The following WDFY2 variants were observed in gnomAD, a reference collection of about 807,000 sequenced individuals.
WDFY2 encodes WD repeat and FYVE domain-containing protein 2.
In WDFY2, 36 loss-of-function variants were observed where a neutral mutation model predicts 56.4. The observed-to-expected ratio is 0.64, with a 90% confidence interval of 0.49 to 0.84. The LOEUF is 0.84. WDFY2 is among the 40% of genes least tolerant of loss of function. WDFY2 has a pLI of 0.00. For missense variants in WDFY2, 444 were observed against 512.2 expected, an observed-to-expected ratio of 0.87 and a Z score of 1.29; for synonymous variants, 176 against 183.7, an observed-to-expected ratio of 0.96 and a Z score of 0.34.
intron 1 of WDFY2, among the ~76,000 whole-genome samples, chr13:51,585,373 T>C (rs1953917135): frequency 6.6e-6 from 1 of 152,374 alleles, no homozygotes; most frequent in African/African-American, 2.4e-5. Context: ...AGTTTAGGCT[T>C]CTGCGTGGTG....
chr13:51,655,760 T>C (rs1955497617), intron 1 of WDFY2, among the ~76,000 whole-genome samples: 1 of 152,150 alleles, frequency 6.6e-6, no homozygotes, highest in Admixed American at 6.5e-5. Flanking sequence ...AGTGTTTGAT[T>C]GACTTTGCCA....
intron 1 of WDFY2, among the ~76,000 whole-genome samples, chr13:51,631,220 G>A (rs531358923): frequency 2.7e-4 from 41 of 151,596 alleles, no homozygotes; most frequent in Admixed American, 6.6e-4. Flanking sequence ...GGAGAAATCC[G>A]TCTCTACAAA....
intron 1 of WDFY2, among the ~76,000 whole-genome samples, chr13:51,616,603 C>A (rs1041964348): frequency 6.6e-6 from 1 of 152,150 alleles, no homozygotes; most frequent in Non-Finnish European, 1.5e-5. Context: ...TTCCACTCAC[C>A]ATGATAGGGG....
At chr13:51,705,329 C>A (rs1952061077) in intron 4 of WDFY2, among the ~76,000 whole-genome samples, 1 of 152,170 alleles carries the variant, frequency 6.6e-6, no homozygotes, top group South Asian at 2.1e-4. Context: ...CTAAACTGCA[C>A]CAATACTTCA....
chr13:51,731,447 CAAG>C (rs1243647563), intron 6 of WDFY2, among the ~76,000 whole-genome samples: 2 of 152,084 alleles, frequency 1.3e-5, no homozygotes, highest in African/African-American at 4.8e-5. Flanking sequence ...TTATTTTTAT[CAAG>C]AAATATATTT....
intron 1 of WDFY2, among the ~76,000 whole-genome samples, chr13:51,624,462 T>C (rs1297510529): frequency 6.6e-6 from 1 of 152,198 alleles, no homozygotes; most frequent in Non-Finnish European, 1.5e-5. Context: ...TAATTCACCA[T>C]GTGTTCAACA....
At chr13:51,735,646 T>C (rs1427984959) in intron 6 of WDFY2, among the ~76,000 whole-genome samples, 1 of 152,220 alleles carries the variant, frequency 6.6e-6, no homozygotes. Context: ...CTTATTTCAT[T>C]GTATCTGCTG....
intron 1 of WDFY2, among the ~76,000 whole-genome samples, chr13:51,655,371 A>C (rs1203249173): frequency 1.3e-5 from 2 of 151,702 alleles, no homozygotes; most frequent in Non-Finnish European, 2.9e-5. Context: ...ATTTTCTTCT[A>C]TTCCTAGTAT....
intron 1 of WDFY2, among the ~76,000 whole-genome samples, chr13:51,657,334 A>G (rs1283764756): frequency 6.6e-6 from 1 of 152,022 alleles, no homozygotes; most frequent in African/African-American, 2.4e-5. Flanking sequence ...AGTGATACTT[A>G]CTTTTATATT....
chr13:51,758,407 C>T lies in WDFY2; in HGVS notation c.1173+107C>T, dbSNP rs563744889. The T allele has an allele frequency of 4.7e-4, 344 of 731,332 alleles. 2 individuals are homozygous for T. In the African/African-American group the frequency reaches 5.4e-3, roughly 12 times the overall value. The allele number at this position is 731,332 out of a possible 1,614,324, so 45.3% of individuals were successfully genotyped here. On this transcript the variant is annotated intron_variant, in intron 11 of 11. Transcript: ENST00000298125. ...GTTCTAAAGGTTATCCTTGGGTAGCCGGCCATGGTGGCATGTGTCTGTAGT... is the reference window on the plus strand; with the variant it reads ...GTTCTAAAGGTTATCCTTGGGTAGCTGGCCATGGTGGCATGTGTCTGTAGT...
intron 4 of WDFY2, among the ~76,000 whole-genome samples, chr13:51,705,996 A>G (rs766330059): frequency 2.0e-5 from 3 of 152,312 alleles, no homozygotes; most frequent in African/African-American, 2.4e-5. Flanking sequence ...GCCATTTCCT[A>G]TGTCTTTGTT....
chr13:51,640,179 T>G (rs1955128691), intron 1 of WDFY2, among the ~76,000 whole-genome samples: 2 of 152,236 alleles, frequency 1.3e-5, no homozygotes, highest in Admixed American at 1.3e-4. Context: ...CAAAAGTGTT[T>G]AGTACTGCTT....
intron 1 of WDFY2, among the ~76,000 whole-genome samples, chr13:51,611,974 G>T (rs1406661611): frequency 6.6e-6 from 1 of 152,160 alleles, no homozygotes; most frequent in South Asian, 2.1e-4. Context: ...TGGCAGAAAA[G>T]AAATATGGAA....
intron 6 of WDFY2, among the ~76,000 whole-genome samples, chr13:51,738,050 C>G (rs956199456): frequency 1.3e-5 from 2 of 152,122 alleles, no homozygotes; most frequent in African/African-American, 4.8e-5. Context: ...AGAGAAACTT[C>G]CCTGAAAGCT....
intron 1 of WDFY2, chr13:51,587,159 C>T (rs1953957967): frequency 6.6e-6 from 1 of 152,206 alleles, no homozygotes; most frequent in African/African-American, 2.4e-5. Context: ...TCCATAAATT[C>T]TTAATGAAAC....
At chr13:51,716,500 G>A (rs999496232) in intron 4 of WDFY2, among the ~76,000 whole-genome samples, 2 of 151,472 alleles carry the variant, frequency 1.3e-5, no homozygotes, top group Admixed American at 6.6e-5. Context: ...AGACCATCCC[G>A]GCTAAAACGG....
chr13:51,654,722 C>T (rs1333418493), intron 1 of WDFY2, among the ~76,000 whole-genome samples: 4 of 152,192 alleles, frequency 2.6e-5, no homozygotes, highest in Non-Finnish European at 1.5e-5. Flanking sequence ...GTAAAATTCA[C>T]ATTCATTTAG....
chr13:51,701,126 C>A (rs554795359), intron 3 of WDFY2, among the ~76,000 whole-genome samples: 1 of 152,284 alleles, frequency 6.6e-6, no homozygotes, highest in African/African-American at 2.4e-5. Context: ...TACAACTGTA[C>A]GTTCCATAAT....
chr13:51,648,037 C>T (rs754865535), intron 1 of WDFY2, among the ~76,000 whole-genome samples: 2 of 152,200 alleles, frequency 1.3e-5, no homozygotes, highest in Non-Finnish European at 2.9e-5. Context: ...GTGAGTCCCC[C>T]TCTGCCTGAT....
Sources: gnomAD v4.1 joint callset for allele counts (sites outside exome capture counted in the v4.1 genomes callset) on GRCh38, gnomAD v4.1.1 for gene constraint, MANE v1.5 for transcripts, NCBI Gene and HGNC (gene_info 2026-07-23, HGNC 2026-07-21) for gene names.